The following DNAJB4 variants were observed in gnomAD, a reference collection of about 807,000 sequenced individuals.
The protein encoded by DNAJB4 is DnaJ heat shock protein family (Hsp40) member B4, also known as dnaJ homolog subfamily B member 4.
In DNAJB4, 10 loss-of-function variants were observed where a neutral mutation model predicts 26.6. That is an observed-to-expected ratio of 0.38 (90% CI 0.23 to 0.64). DNAJB4 has a LOEUF of 0.64. Among genes scored for constraint, DNAJB4 ranks in the 30% least tolerant of loss-of-function variants. The pLI, the probability that DNAJB4 is intolerant of heterozygous loss-of-function variation, is 0.58. For synonymous variants in DNAJB4, 136 were observed against 134.8 expected (o/e 1.01, Z -0.06); for missense variants, 328 against 408.2 (o/e 0.80, Z 1.69).
chr1:78,013,382 T>G lies in DNAJB4; in HGVS notation c.543T>G (p.Ile181Met), dbSNP rs1256587724. ...GTGGTTGTACCAAACGGATGAAGAT[T>G]TCTCGAAAAAGGCTAAACGCTGATG... ...IYSGCTKRMKISRKRLNADGR... is the reference protein window; with the variant it reads ...IYSGCTKRMKMSRKRLNADGR... Residue 181 changes from isoleucine to methionine, a missense_variant, in exon 2 of 3, where the codon ATT (isoleucine) becomes ATG (methionine). Ile to Met is a conservative substitution (Grantham distance 10). Transcript: ENST00000370763. 5 of 1,614,174 alleles carry G rather than the reference T, an allele frequency of 3.1e-6. No individual in the cohort carries two copies. Among genetic ancestry groups the G allele is most frequent in the African/African-American group, 2.7e-5 (2 of 75,042 alleles).
chr1:77,985,803 A>G (rs891259674), intron 1 of DNAJB4, among the ~76,000 whole-genome samples: 4 of 152,192 alleles, frequency 2.6e-5, no homozygotes, highest in Admixed American at 6.5e-5. Context: ...CATTTATTCA[A>G]TTCAACAAAA....
intron 1 of DNAJB4, among the ~76,000 whole-genome samples, chr1:77,986,852 A>T (rs1258230026): frequency 6.6e-6 from 1 of 152,150 alleles, no homozygotes; most frequent in Non-Finnish European, 1.5e-5. Context: ...TTTATGAGGT[A>T]CCCATGTTTT....
At chr1:77,995,424 T>C (rs1338566503) in intron 1 of DNAJB4, among the ~76,000 whole-genome samples, 1 of 152,198 alleles carries the variant, frequency 6.6e-6, no homozygotes, top group Non-Finnish European at 1.5e-5. Context: ...GTAGAAACTC[T>C]AGCTCTTTTT....
At chr1:77,979,466 AGGGCGTGACAACGAC>A (rs1366315970), upstream of DNAJB4, 1 of 159,270 alleles carries the variant, frequency 6.3e-6, no homozygotes, top group African/African-American at 2.4e-5. Flanking sequence ...TCCGCGGGGA[AGGGCGTGACAACGAC>A]GGGCGTGACG....
chr1:77,980,720 G>A (rs1196464925), intron 1 of DNAJB4, among the ~76,000 whole-genome samples: 1 of 152,124 alleles, frequency 6.6e-6, no homozygotes, highest in Non-Finnish European at 1.5e-5. Context: ...AAACCTAAAA[G>A]TAATGTGTTC....
intron 1 of DNAJB4, among the ~76,000 whole-genome samples, chr1:77,992,099 A>G (rs1318888512): frequency 6.6e-6 from 1 of 151,988 alleles, no homozygotes; most frequent in Admixed American, 6.5e-5. Flanking sequence ...TTTATAGAAC[A>G]TAACTATGGG....
At chr1:77,994,751 A>C (rs757976630) in intron 1 of DNAJB4, among the ~76,000 whole-genome samples, 1 of 152,232 alleles carries the variant, frequency 6.6e-6, no homozygotes, top group Non-Finnish European at 1.5e-5. Context: ...AAACATTGTG[A>C]AAGTGTATGT....
At chr1:77,995,385 T>G (rs1197547036) in intron 1 of DNAJB4, among the ~76,000 whole-genome samples, 2 of 152,208 alleles carry the variant, frequency 1.3e-5, no homozygotes, top group East Asian at 3.8e-4. Context: ...TAATGAAATA[T>G]TAGTTTATCA....
At chr1:78,004,515 T>C (rs1185419076), upstream of DNAJB4, 2 of 152,044 alleles carry the variant, frequency 1.3e-5, no homozygotes, top group East Asian at 1.9e-4. Context: ...TTTGGTATTA[T>C]ATACTTAACA....
intron 1 of DNAJB4, among the ~76,000 whole-genome samples, chr1:77,999,260 A>G (rs576418635): frequency 6.6e-6 from 1 of 152,350 alleles, no homozygotes; most frequent in East Asian, 1.9e-4. Context: ...GGAACAGTGT[A>G]TGTTTAAGAA....
At position 78,005,102 on chromosome 1, in the gene DNAJB4, G is replaced by T. The variant is rs1158234108; in HGVS notation, c.-9G>T. On this transcript the variant is annotated 5_prime_UTR_variant, in exon 1 of 3. Coordinates refer to ENST00000370763, the MANE Select transcript of DNAJB4 (RefSeq NM_007034.5). The stretch of plus-strand genomic sequence containing the variant: ...AAGGGAAATCTAAGTTAATTTCAAG[G>T]CATTCGAAATGGGGAAAGACTATTA... 1 of 1,609,350 alleles carries T rather than the reference G, an allele frequency of 6.2e-7. No homozygotes were observed. The highest frequency in any genetic ancestry group is 1.7e-5 in the Admixed American group (1 of 59,042).
At chr1:77,979,372 G>T (rs1487401533), upstream of DNAJB4, 12 of 231,144 alleles carry the variant, frequency 5.2e-5, no homozygotes, top group Admixed American at 6.6e-4. Context: ...GTGGTGGGAA[G>T]CCTGAAGAAA....
intron 1 of DNAJB4, among the ~76,000 whole-genome samples, chr1:78,007,013 A>C (rs1316056433): frequency 3.3e-5 from 5 of 152,196 alleles, no homozygotes; most frequent in African/African-American, 1.2e-4. Context: ...AGAATTTTCA[A>C]GTCACCAAAT....
At chr1:77,996,724 C>T (rs937255594) in intron 1 of DNAJB4, among the ~76,000 whole-genome samples, 26 of 151,978 alleles carry the variant, frequency 1.7e-4, no homozygotes, top group African/African-American at 6.0e-4. Flanking sequence ...ATTACTGTAG[C>T]GATAAAATGG....
intron 1 of DNAJB4, among the ~76,000 whole-genome samples, chr1:78,011,485 C>CTTTTTT (rs34009878): frequency 8.0e-6 from 1 of 125,638 alleles, no homozygotes; most frequent in Non-Finnish European, 1.7e-5. Context: ...TATTTTAATT[C>CTTTTTT]TTTTTTTTTT....
rs1660655097 is a variant in DNAJB4 at position 78,016,906 on chromosome 1, T to G, written c.*659T>G. 6.6e-6 allele frequency: 1 copy of G among 152,192 alleles called. No individual in the cohort carries two copies. The allele number at this position is 152,192 out of a possible 1,614,324, so 9.4% of individuals were successfully genotyped here. ...CCCAATTGCTTGAATTACTGATATT[T>G]TAGAATAGACTTTTTAAAATGCCAT... On this transcript the variant is annotated 3_prime_UTR_variant, in exon 3 of 3. Coordinates refer to ENST00000370763, the MANE Select transcript of DNAJB4 (RefSeq NM_007034.5).
At chr1:77,985,818 T>C (rs1659778332) in intron 1 of DNAJB4, among the ~76,000 whole-genome samples, 1 of 152,134 alleles carries the variant, frequency 6.6e-6, no homozygotes, top group Admixed American at 6.6e-5. Context: ...ACAAAAATTC[T>C]GGGCATTGTT....
intron 1 of DNAJB4, among the ~76,000 whole-genome samples, chr1:78,007,161 T>G (rs914601510): frequency 2.7e-5 from 4 of 146,626 alleles, no homozygotes; most frequent in Admixed American, 1.4e-4. Flanking sequence ...ATACCCTGGG[T>G]TTTTTTTTTT....
chr1:78,014,592 C>G (rs1660583113), intron 2 of DNAJB4, among the ~76,000 whole-genome samples: 1 of 151,742 alleles, frequency 6.6e-6, no homozygotes, highest in Non-Finnish European at 1.5e-5. Context: ...CAAGTTTGCT[C>G]TATTATTATT....
Sources: gnomAD v4.1 joint callset for allele counts (sites outside exome capture counted in the v4.1 genomes callset) on GRCh38, gnomAD v4.1.1 for gene constraint, MANE v1.5 for transcripts, NCBI Gene and HGNC (gene_info 2026-07-23, HGNC 2026-07-21) for gene names.